Variants in NEXMIF observed in about 807,000 individuals in gnomAD.
NEXMIF encodes the protein neurite extension and migration factor, also known as XLMR protein related to neurite extension.
A neutral mutation model predicts 62.1 loss-of-function variants in NEXMIF; 8 were observed. The ratio of observed to expected loss-of-function variants is 0.13; its 90% CI spans 0.08 to 0.23. NEXMIF has a LOEUF of 0.23. Ranked by LOEUF, NEXMIF falls within the 10% of genes least tolerant of loss-of-function variation. The pLI is 1.00. For missense variants in NEXMIF, 976 were observed against 1,113.3 expected (o/e 0.88, Z 1.75); for synonymous variants, 404 against 416.6 (o/e 0.97, Z 0.37).
At chrX:74,851,364 C>T (rs1299635271) in intron 1 of NEXMIF, among the ~76,000 whole-genome samples, 1 of 111,363 alleles carries the variant, frequency 9.0e-6, no homozygotes, top group Non-Finnish European at 1.9e-5. Flanking sequence ...CATCCAGACA[C>T]AGGAAGCTCA....
chrX:74,747,717 C>T (rs767780631), intron 1 of NEXMIF, among the ~76,000 whole-genome samples: 18 of 108,654 alleles, frequency 1.7e-4, no homozygotes, highest in African/African-American at 5.7e-4. Context: ...AGAGTTCAAG[C>T]GATTCTCGTG....
chrX:74,863,391 T>C (rs1271605471), intron 1 of NEXMIF, among the ~76,000 whole-genome samples: 1 of 110,995 alleles, frequency 9.0e-6, no homozygotes, highest in Non-Finnish European at 1.9e-5. Context: ...CTAGCTAGAC[T>C]AATGAGAGAG....
intron 1 of NEXMIF, among the ~76,000 whole-genome samples, chrX:74,800,335 G>A (rs1370297207): frequency 9.0e-6 from 1 of 110,965 alleles, no homozygotes; most frequent in Admixed American, 9.6e-5. Context: ...ATGCCCTTGC[G>A]TGCTGTGAGA....
At chrX:74,841,889 T>G (rs1473060547) in intron 1 of NEXMIF, among the ~76,000 whole-genome samples, 1 of 111,661 alleles carries the variant, frequency 9.0e-6, no homozygotes, top group Non-Finnish European at 1.9e-5. Context: ...GCAAGTCTGT[T>G]GTTGAGAATT....
At chrX:74,795,472 C>A (rs1215894454) in intron 1 of NEXMIF, among the ~76,000 whole-genome samples, 1 of 111,565 alleles carries the variant, frequency 9.0e-6, no homozygotes, top group Non-Finnish European at 1.9e-5. Flanking sequence ...TCATATGACA[C>A]TCTGGAAAAT....
rs776672989 is a variant in NEXMIF at position 74,744,044 on chromosome X, A to G, written c.513T>C (p.Asn171=). 8.3e-7 allele frequency: 1 copy of G among 1,210,865 alleles called. No individual in the cohort carries two copies. Among genetic ancestry groups the G allele is most frequent in the East Asian group, 3.0e-5 (1 of 33,819 alleles). The change falls in exon 3 of 4, where the codon AAT becomes AAC. Residue 171 remains asparagine, a synonymous_variant. Transcript: ENST00000055682. ...AGACTGCACACGTTTCATAATCCCT[A>G]TTTAGATCACCAACTTTCAGACTGA... ...PGISLKVGDL[N]RDYETCAVSD... is the part of the protein sequence containing the mutation.
intron 1 of NEXMIF, among the ~76,000 whole-genome samples, chrX:74,765,729 C>G (rs1232358549): frequency 9.1e-6 from 1 of 109,783 alleles, no homozygotes; most frequent in African/African-American, 3.3e-5. Flanking sequence ...AGATTTTTTT[C>G]TTTAAGAATG....
At chrX:74,896,448 A>C (rs1325779375) in intron 1 of NEXMIF, among the ~76,000 whole-genome samples, 1 of 112,420 alleles carries the variant, frequency 8.9e-6, no homozygotes, top group Non-Finnish European at 1.9e-5. Flanking sequence ...GGGTATGGAA[A>C]CCATTCATCC....
chrX:74,829,019 T>C (rs1375241895), intron 1 of NEXMIF, among the ~76,000 whole-genome samples: 1 of 111,860 alleles, frequency 8.9e-6, no homozygotes, highest in East Asian at 2.8e-4. Context: ...GACAAATTAA[T>C]TTTCCTCCAT....
At chrX:74,771,388 G>A (rs2080209721) in intron 1 of NEXMIF, among the ~76,000 whole-genome samples, 1 of 110,727 alleles carries the variant, frequency 9.0e-6, no homozygotes. Flanking sequence ...GGAATAAAAA[G>A]TCTTAAATCA....
chrX:74,870,146 T>G (rs2080595191), intron 1 of NEXMIF, among the ~76,000 whole-genome samples: 1 of 111,255 alleles, frequency 9.0e-6, no homozygotes, highest in Non-Finnish European at 1.9e-5. Context: ...TGGAACAGAA[T>G]AGAGAACCTC....
chrX:74,752,604 G>A (rs1245245277), intron 1 of NEXMIF, among the ~76,000 whole-genome samples: 1 of 111,473 alleles, frequency 9.0e-6, no homozygotes, highest in African/African-American at 3.3e-5. Context: ...ATATATTAAA[G>A]CACTATACAA....
chrX:74,867,955 T>TA (rs1301294702), intron 1 of NEXMIF, among the ~76,000 whole-genome samples: 13 of 111,200 alleles, frequency 1.2e-4, no homozygotes, highest in African/African-American at 3.9e-4. Flanking sequence ...AAAATCCCGT[T>TA]AAAAAGTGGG....
chrX:74,875,343 C>T (rs1332594761), intron 1 of NEXMIF, among the ~76,000 whole-genome samples: 1 of 111,896 alleles, frequency 8.9e-6, no homozygotes, highest in Non-Finnish European at 1.9e-5. Flanking sequence ...AGGGATGAAG[C>T]ACACTTGATC....
At chrX:74,800,718 G>C (rs189881709) in intron 1 of NEXMIF, among the ~76,000 whole-genome samples, 4 of 110,743 alleles carry the variant, frequency 3.6e-5, no homozygotes, top group Non-Finnish European at 5.7e-5. Context: ...CTATTGTATA[G>C]ATAGGCCATA....
intron 1 of NEXMIF, among the ~76,000 whole-genome samples, chrX:74,842,540 C>T (rs753638406): frequency 9.0e-6 from 1 of 111,227 alleles, no homozygotes; most frequent in South Asian, 3.8e-4. Flanking sequence ...TCTTACTTCT[C>T]TAATTCTTTC....
chrX:74,780,616 A>G (rs2080243773), intron 1 of NEXMIF, among the ~76,000 whole-genome samples: 1 of 110,301 alleles, frequency 9.1e-6, no homozygotes. Context: ...AGCTCAGGCA[A>G]TCGGCCCGCT....
rs149330030 is a variant in NEXMIF at position 74,869,383 on chromosome X, A to T, written c.-48+55500T>A. ...TTAGTATCATACTGAATGAGGAAAA[A>T]TGGAAAGCATTTCCTCTAAGATCTG... On this transcript the variant is annotated intron_variant, in intron 1 of 3. Transcript: ENST00000055682. 1.2e-3 allele frequency among the ~76,000 whole-genome samples: 129 copies of T among 112,168 alleles called. No homozygotes were observed. In the East Asian group the frequency reaches 0.021, roughly 18 times the overall value.
At chrX:74,904,945 C>CA (rs1556042262) in intron 1 of NEXMIF, among the ~76,000 whole-genome samples, 1 of 111,324 alleles carries the variant, frequency 9.0e-6, no homozygotes, top group Non-Finnish European at 1.9e-5. Context: ...TAGGTTAGCC[C>CA]AGCTGCCTAG....
Sources: allele counts gnomAD v4.1 joint callset (sites outside exome capture counted in the v4.1 genomes callset), GRCh38; gene constraint gnomAD v4.1.1; transcripts MANE v1.5; gene names NCBI Gene and HGNC (gene_info 2026-07-23, HGNC 2026-07-21).